CAB39: variants seen among roughly 807,000 people sequenced by gnomAD.
The protein encoded by CAB39 is calcium binding protein 39.
CAB39 carries 8 observed loss-of-function variants against 40.0 expected under a neutral mutation model. The ratio of observed to expected loss-of-function variants is 0.20; its 90% CI spans 0.12 to 0.36. CAB39 has a LOEUF of 0.36. Among genes scored for constraint, CAB39 ranks in the 10% least tolerant of loss-of-function variants. CAB39 has a pLI of 1.00. For missense variants in CAB39, 270 were observed against 401.1 expected (o/e 0.67, Z 2.79); for synonymous variants, 156 against 141.6 (o/e 1.10, Z -0.72).
chr2:230,773,968 A>G (rs2124935170), intron 2 of CAB39, among the ~76,000 whole-genome samples: 1 of 152,320 alleles, frequency 6.6e-6, no homozygotes, highest in East Asian at 1.9e-4. Context: ...CAAGCTTTGC[A>G]CTGTTGACAT....
intron 5 of CAB39, among the ~76,000 whole-genome samples, chr2:230,803,462 A>G (rs143781938): frequency 0.017 from 2,586 of 152,320 alleles, 69 homozygotes; most frequent in African/African-American, 0.052. Context: ...GAGGAAGTCA[A>G]ATTGTCCCTG....
At chr2:230,771,433 G>T (rs1431566092) in intron 2 of CAB39, among the ~76,000 whole-genome samples, 3 of 152,140 alleles carry the variant, frequency 2.0e-5, no homozygotes, top group African/African-American at 7.2e-5. Context: ...GACAAAGGAA[G>T]TGAAAGAGTT....
At chr2:230,817,723 TAAC>T (rs1696427302) in intron 7 of CAB39, 28 bp from the exon 8 acceptor site, 8 of 1,518,308 alleles carry the variant, frequency 5.3e-6, no homozygotes, top group Admixed American at 2.2e-5. Flanking sequence ...TAAGTTTTAA[TAAC>T]AAGGTAATTG....
chr2:230,767,106 T>A (rs1695399695), intron 2 of CAB39, among the ~76,000 whole-genome samples: 1 of 152,216 alleles, frequency 6.6e-6, no homozygotes, highest in Non-Finnish European at 1.5e-5. Context: ...AAATCATGCT[T>A]AAAGCAATTC....
At chr2:230,812,545 A>G (rs187740625) in intron 6 of CAB39, among the ~76,000 whole-genome samples, 121 of 152,338 alleles carry the variant, frequency 7.9e-4, no homozygotes, top group African/African-American at 2.8e-3. Context: ...TTTTCTGTAT[A>G]TATAAGAACT....
chr2:230,768,123 A>G (rs1695418936), intron 2 of CAB39, among the ~76,000 whole-genome samples: 1 of 152,228 alleles, frequency 6.6e-6, no homozygotes, highest in Non-Finnish European at 1.5e-5. Context: ...AGTTACTAAT[A>G]ACATGAAACA....
At chr2:230,790,367 C>T (rs867601934) in intron 2 of CAB39, among the ~76,000 whole-genome samples, 2 of 152,272 alleles carry the variant, frequency 1.3e-5, no homozygotes, top group Middle Eastern at 3.4e-3. Flanking sequence ...TTATATCTAT[C>T]ACTAACACCT....
At chr2:230,817,714 A>C in intron 7 of CAB39, 40 bp from the exon 8 acceptor site, 2 of 1,488,100 alleles carry the variant, frequency 1.3e-6, no homozygotes, top group Non-Finnish European at 1.8e-6. Context: ...ATTTTTCTTT[A>C]AGTTTTAATA....
chr2:230,797,069 C>T (rs935409129), intron 4 of CAB39, among the ~76,000 whole-genome samples: 9 of 152,164 alleles, frequency 5.9e-5, no homozygotes, highest in Non-Finnish European at 1.2e-4. Context: ...TGTTGATACA[C>T]TTGTGTGTTG....
At chr2:230,758,297 C>CAAAA (rs201939916) in intron 1 of CAB39, among the ~76,000 whole-genome samples, 9 of 73,432 alleles carry the variant, frequency 1.2e-4, no homozygotes, top group African/African-American at 3.3e-4. Flanking sequence ...AGCGAGACTC[C>CAAAA]AAAAAAAAAA....
chr2:230,790,163 G>A (rs7574365), intron 2 of CAB39, among the ~76,000 whole-genome samples: 54,519 of 151,766 alleles, frequency 0.36, 13,563 homozygotes, highest in African/African-American at 0.71. Context: ...GATCGATTAA[G>A]TCCAGGAAGT....
At chr2:230,813,411 T>C (rs764792697) in intron 6 of CAB39, among the ~76,000 whole-genome samples, 3 of 152,154 alleles carry the variant, frequency 2.0e-5, no homozygotes, top group Non-Finnish European at 4.4e-5. Context: ...TCCTTCCTTT[T>C]TTATCTGCCC....
At chr2:230,752,043 C>G (rs80346944) in intron 1 of CAB39, 2 of 93,086 alleles carry the variant, frequency 2.1e-5, no homozygotes, top group African/African-American at 8.4e-5. Context: ...CCCCCCCCCC[C>G]ACATACACAC....
chr2:230,775,752 C>T (rs1386855596), intron 2 of CAB39, among the ~76,000 whole-genome samples: 1 of 152,170 alleles, frequency 6.6e-6, no homozygotes, highest in Non-Finnish European at 1.5e-5. Context: ...ATCATTATCT[C>T]TTGCAAGAGA....
At chr2:230,737,967 G>T (rs1190803565) in intron 1 of CAB39, among the ~76,000 whole-genome samples, 1 of 152,144 alleles carries the variant, frequency 6.6e-6, no homozygotes. Context: ...TTCACCTTCT[G>T]CCTGCTTTTT....
At chr2:230,793,817 T>C (rs1222314126) in intron 4 of CAB39, among the ~76,000 whole-genome samples, 1 of 152,204 alleles carries the variant, frequency 6.6e-6, no homozygotes, top group Non-Finnish European at 1.5e-5. Flanking sequence ...GATTTTTACC[T>C]CTCTGTGTCC....
At position 230,817,831 on chromosome 2, in the gene CAB39, A is replaced by G; in HGVS notation, c.771A>G (p.Lys257=). 2 of 1,613,490 alleles carry G rather than the reference A, an allele frequency of 1.2e-6. No homozygotes were observed. Among genetic ancestry groups the G allele is most frequent in the South Asian group, 2.2e-5 (2 of 91,024 alleles). Reference sequence around the variant, plus strand: ...ACATCAGTAAACCTGAGAACCTCAAATTAATGATGAACCTGCTGCGAGACA... The same window carrying G: ...ACATCAGTAAACCTGAGAACCTCAAGTTAATGATGAACCTGCTGCGAGACA... The part of the protein sequence containing the change: ...TKYISKPENL[K]LMMNLLRDKS... The change falls in exon 8 of 9, where the codon AAA becomes AAG. Residue 257 remains lysine, a synonymous_variant. Coordinates refer to ENST00000258418, the MANE Select transcript of CAB39 (RefSeq NM_016289.4).
chr2:230,792,711 A>G (rs1695912610), intron 3 of CAB39, among the ~76,000 whole-genome samples: 1 of 152,234 alleles, frequency 6.6e-6, no homozygotes, highest in East Asian at 1.9e-4. Flanking sequence ...TAATTGGAAG[A>G]TAGGTCTACT....
intron 2 of CAB39, among the ~76,000 whole-genome samples, chr2:230,788,447 A>G (rs1473079514): frequency 1.3e-5 from 2 of 151,970 alleles, no homozygotes; most frequent in African/African-American, 2.4e-5. Flanking sequence ...ATACGTTGTT[A>G]TTTTTGCTTT....
Sources: allele counts gnomAD v4.1 joint callset (sites outside exome capture counted in the v4.1 genomes callset), GRCh38; gene constraint gnomAD v4.1.1; transcripts MANE v1.5; gene names NCBI Gene and HGNC (gene_info 2026-07-23, HGNC 2026-07-21).